PIP5K1B: variants seen among roughly 807,000 people sequenced by gnomAD.
The protein encoded by PIP5K1B is phosphatidylinositol-4-phosphate 5-kinase type 1 beta, also known as phosphatidylinositol 4-phosphate 5-kinase type-1 beta.
Under a neutral mutation model 67.0 loss-of-function variants are expected in PIP5K1B, and 42 were observed. The observed-to-expected ratio is 0.63, with a 90% confidence interval of 0.49 to 0.81. The LOEUF (loss-of-function observed/expected upper bound fraction) is 0.81. Among genes scored for constraint, PIP5K1B ranks in the 30% least tolerant of loss-of-function variants. The probability of loss-of-function intolerance (pLI) is 0.00; values close to 1 mark genes in which losing one functional copy is unlikely to be tolerated. For missense variants in PIP5K1B, 459 were observed against 646.3 expected (o/e 0.71, Z 3.14); for synonymous variants, 214 against 231.4 (o/e 0.92, Z 0.68).
intron 1 of PIP5K1B, among the ~76,000 whole-genome samples, chr9:68,718,964 A>C (rs139687482): frequency 1.7e-3 from 265 of 152,306 alleles, no homozygotes; most frequent in African/African-American, 5.9e-3. Context: ...TGCCAGATAG[A>C]GTCATATTAT....
At chr9:68,773,979 G>T (rs889441442) in intron 2 of PIP5K1B, among the ~76,000 whole-genome samples, 6 of 151,954 alleles carry the variant, frequency 3.9e-5, no homozygotes, top group African/African-American at 1.5e-4. Context: ...AACAGCCCAC[G>T]CTGAGTTCCT....
chr9:68,744,890 G>T (rs570823619), intron 2 of PIP5K1B, among the ~76,000 whole-genome samples: 5 of 152,062 alleles, frequency 3.3e-5, no homozygotes, highest in Admixed American at 1.3e-4. Flanking sequence ...CAATCCATTC[G>T]TACTCCTGTC....
chr9:68,902,690 C>CT (rs1825423829), intron 8 of PIP5K1B, among the ~76,000 whole-genome samples: 1 of 152,198 alleles, frequency 6.6e-6, no homozygotes, highest in African/African-American at 2.4e-5. Context: ...CTGCCATACT[C>CT]TTTTCCAGAG....
intron 1 of PIP5K1B, among the ~76,000 whole-genome samples, chr9:68,728,423 C>T (rs1223774429): frequency 1.3e-5 from 2 of 152,066 alleles, no homozygotes; most frequent in Non-Finnish European, 2.9e-5. Flanking sequence ...ACCCTCATGA[C>T]CTCATTATTC....
intron 13 of PIP5K1B, among the ~76,000 whole-genome samples, chr9:68,939,650 TGTGTC>T (rs1266692677): frequency 6.6e-6 from 1 of 152,192 alleles, no homozygotes; most frequent in African/African-American, 2.4e-5. Context: ...ACCACCCCAG[TGTGTC>T]GTCTGATTTC....
chr9:68,981,776 GTT>G lies in PIP5K1B; in HGVS notation c.1503-9363_1503-9362del, dbSNP rs1406343049. Among the ~76,000 whole-genome samples the G allele has an allele frequency of 3.3e-5, 5 of 151,746 alleles. No homozygotes were observed. In the East Asian group the frequency reaches 9.7e-4, roughly 29 times the overall value. On this transcript the variant is annotated intron_variant, in intron 14 of 15. Transcript: ENST00000265382. ...TGCTCTCCAATGAAGCCAAACTAATGTTGCTGATAACCAAAAGAATCTTTTTT... is the reference window on the plus strand; with the variant it reads ...TGCTCTCCAATGAAGCCAAACTAATGGCTGATAACCAAAAGAATCTTTTTT...
chr9:68,831,717 C>A (rs1834330889), intron 4 of PIP5K1B, among the ~76,000 whole-genome samples: 1 of 152,052 alleles, frequency 6.6e-6, no homozygotes. Flanking sequence ...CTCTTGTTGC[C>A]CAGGCTGGAG....
Position 68,953,402 on chromosome 9 carries a change from G to A in PIP5K1B, c.1502+12612G>A, listed in dbSNP as rs76698695. Among the ~76,000 whole-genome samples, 1,469 of 151,066 alleles carry A rather than the reference G, an allele frequency of 9.7e-3. 12 individuals are homozygous for A. The highest frequency in any genetic ancestry group is 0.017 in the Middle Eastern group (5 of 294). On this transcript the variant is annotated intron_variant, in intron 14 of 15. Coordinates refer to ENST00000265382, the MANE Select transcript of PIP5K1B (RefSeq NM_003558.4). ...TTGTTTCTTCTCCCTTTTTAGTCTCGGTTTTCATCCAGGCTGCCTTTTTCT... is the reference window on the plus strand; with the variant it reads ...TTGTTTCTTCTCCCTTTTTAGTCTCAGTTTTCATCCAGGCTGCCTTTTTCT...
chr9:68,709,484 C>T (rs1827283523), intron 1 of PIP5K1B, among the ~76,000 whole-genome samples: 2 of 152,278 alleles, frequency 1.3e-5, no homozygotes, highest in South Asian at 2.1e-4. Context: ...CCACAGGCAT[C>T]GGCTTCCCAC....
chr9:68,755,929 G>T (rs1248220793), intron 2 of PIP5K1B, among the ~76,000 whole-genome samples: 1 of 152,188 alleles, frequency 6.6e-6, no homozygotes, highest in Non-Finnish European at 1.5e-5. Context: ...GAAGCTTAAG[G>T]TCACCTGAAC....
chr9:68,721,390 T>G (rs1827875682), intron 1 of PIP5K1B, among the ~76,000 whole-genome samples: 2 of 152,264 alleles, frequency 1.3e-5, no homozygotes, highest in African/African-American at 4.8e-5. Context: ...TAGGACTTGA[T>G]GACCACCTGG....
rs138046080 is a variant in PIP5K1B, at chr9:68,925,283, G to T, written c.1201+1897G>T. On this transcript the variant is annotated intron_variant, in intron 12 of 15. Transcript: ENST00000265382. ...TTCTTTAGAATGGATTCCAAGAAAG[G>T]GGTACTAGGGTAATAAAATGCACGT... Among the ~76,000 whole-genome samples, 279 of 152,210 alleles carry T rather than the reference G, an allele frequency of 1.8e-3. 3 individuals carry two copies. Among genetic ancestry groups the T allele is most frequent in the African/African-American group, 6.4e-3 (266 of 41,530 alleles).
At chr9:68,943,102 A>G (rs1386891841) in intron 14 of PIP5K1B, among the ~76,000 whole-genome samples, 4 of 152,210 alleles carry the variant, frequency 2.6e-5, no homozygotes, top group Non-Finnish European at 5.9e-5. Context: ...CCACCCTTTA[A>G]AAACCAAACA....
intron 14 of PIP5K1B, among the ~76,000 whole-genome samples, chr9:68,986,346 A>G (rs553231810): frequency 1.3e-3 from 203 of 152,310 alleles, no homozygotes; most frequent in African/African-American, 3.6e-3. Context: ...ATGACTAAGG[A>G]CATTAAGCAT....
At chr9:68,893,338 T>TC (rs1261594367) in intron 7 of PIP5K1B, among the ~76,000 whole-genome samples, 2 of 138,288 alleles carry the variant, frequency 1.4e-5, no homozygotes, top group African/African-American at 5.5e-5. Flanking sequence ...TTTTTCTTTT[T>TC]TTTTTTTTTT....
rs1054774991 is a variant in PIP5K1B, at chr9:68,771,126, G to A, written c.-86+28469G>A. 5.9e-5 allele frequency among the ~76,000 whole-genome samples: 9 copies of A among 152,214 alleles called. No homozygotes were observed. The East Asian group carries it at 7.7e-4, about 13-fold the overall frequency. On this transcript the variant is annotated intron_variant, in intron 2 of 15. Coordinates refer to ENST00000265382, the MANE Select transcript of PIP5K1B (RefSeq NM_003558.4). The stretch of plus-strand genomic sequence containing the variant: ...CTCTCTCGGATGCCTTTTTCACCCT[G>A]AAGAAATCATTGGCTCCTTCTGAAC...
chr9:68,994,188 C>T (rs1327132270), intron 15 of PIP5K1B, among the ~76,000 whole-genome samples: 1 of 151,766 alleles, frequency 6.6e-6, no homozygotes, highest in African/African-American at 2.4e-5. Flanking sequence ...TTACAGGGAC[C>T]TGCCACCACG....
chr9:68,851,381 T>G (rs1431902631), intron 4 of PIP5K1B, among the ~76,000 whole-genome samples: 1 of 152,224 alleles, frequency 6.6e-6, no homozygotes, highest in Non-Finnish European at 1.5e-5. Flanking sequence ...ATAAGGCAAA[T>G]TCACCACATG....
intron 2 of PIP5K1B, among the ~76,000 whole-genome samples, chr9:68,749,831 A>G (rs1354225145): frequency 6.6e-6 from 1 of 152,104 alleles, no homozygotes; most frequent in Admixed American, 6.5e-5. Flanking sequence ...AACAACCACA[A>G]ATGTCTCCAA....
Sources: allele counts gnomAD v4.1 joint callset (sites outside exome capture counted in the v4.1 genomes callset), GRCh38; gene constraint gnomAD v4.1.1; transcripts MANE v1.5; gene names NCBI Gene and HGNC (gene_info 2026-07-23, HGNC 2026-07-21).